LARGE1: variants seen among roughly 807,000 people sequenced by gnomAD.
LARGE1 encodes the protein xylosyl- and glucuronyltransferase LARGE1.
In LARGE1, 43 loss-of-function variants were observed where a neutral mutation model predicts 87.6. The observed-to-expected ratio is 0.49, with a 90% confidence interval of 0.38 to 0.63. LARGE1 has a LOEUF of 0.63. Ranked by LOEUF, LARGE1 falls within the 30% of genes least tolerant of loss-of-function variation. The pLI, the probability that LARGE1 is intolerant of heterozygous loss-of-function variation, is 0.00. For synonymous variants in LARGE1, 434 were observed against 394.6 expected, an observed-to-expected ratio of 1.10 and a Z score of -1.18; for missense variants, 802 against 1,000.2, an observed-to-expected ratio of 0.80 and a Z score of 2.67.
chr22:33,827,286 C>T (rs767764602), intron 1 of LARGE1, among the ~76,000 whole-genome samples: 2 of 152,010 alleles, frequency 1.3e-5, no homozygotes, highest in African/African-American at 2.4e-5. Context: ...AGGAGAATGG[C>T]GTGAACCCGG....
In LARGE1 at chr22:33,243,786, T is replaced by C. The variant is rs545956638; in HGVS notation, c.1730+60443A>G. Among the ~76,000 whole-genome samples the C allele has an allele frequency of 2.6e-5, 4 of 152,342 alleles. No homozygotes were observed. The East Asian group carries it at 7.7e-4, about 29-fold the overall frequency. ...ATTTAGACATGAAAGTGTTGAGTCA[T>C]GCATAAAGAGTTTTCAGGTCACCTT... On this transcript the variant is annotated intron_variant, in intron 11 of 11. Coordinates refer to the LARGE1 transcript ENST00000608642.
At chr22:33,112,910 A>G in the LARGE1 span, among the ~76,000 whole-genome samples, 1 of 152,170 alleles carries the variant, frequency 6.6e-6, no homozygotes, top group South Asian at 2.1e-4. Flanking sequence ...AGGAAAATCA[A>G]TCATCATGTC....
intron 6 of LARGE1, among the ~76,000 whole-genome samples, chr22:33,540,547 C>A (rs1227598062): frequency 6.6e-6 from 1 of 152,224 alleles, no homozygotes; most frequent in Non-Finnish European, 1.5e-5. Flanking sequence ...GTACCCTGCC[C>A]CACTGCCCCC....
Position 33,719,462 on chromosome 22 carries a change from T to C in LARGE1, c.106+41909A>G, listed in dbSNP as rs2413198. On this transcript the variant is annotated intron_variant, in intron 2 of 14. Coordinates refer to ENST00000397394, the MANE Select transcript of LARGE1 (RefSeq NM_133642.5). ...CTTCCAGTTCTACAGGCTCCATTCA[T>C]GGTAAGTGCCCTATACAGGTATGCC... Among the ~76,000 whole-genome samples the C allele has an allele frequency of 2.7e-3, 413 of 152,244 alleles. 22 individuals are homozygous for C. The East Asian group carries it at 0.076, about 28-fold the overall frequency.
intron 6 of LARGE1, among the ~76,000 whole-genome samples, chr22:33,512,675 C>T (rs568588032): frequency 1.2e-4 from 19 of 152,094 alleles, no homozygotes; most frequent in East Asian, 3.9e-4. Context: ...TGGTGGCAGG[C>T]GCCTGTAATC....
chr22:33,162,696 G>A (rs1333353987), exon 12 of LARGE1: 1 of 152,128 alleles, frequency 6.6e-6, no homozygotes, highest in Non-Finnish European at 1.5e-5. Flanking sequence ...TCTGTAAATT[G>A]GCACATGAAG....
At chr22:33,872,358 T>TTA (rs2064317559) in intron 1 of LARGE1, among the ~76,000 whole-genome samples, 1 of 113,234 alleles carries the variant, frequency 8.8e-6, no homozygotes, top group African/African-American at 4.5e-5. Flanking sequence ...GTAAATGCTA[T>TTA]CTATTATTAT....
rs377202717 is a variant in LARGE1 at position 33,187,780 on chromosome 22, C to CG, written c.1731-20949dup. 2.1e-3 allele frequency among the ~76,000 whole-genome samples: 314 copies of CG among 151,534 alleles called. 2 individuals are homozygous for CG. Among genetic ancestry groups the CG allele is most frequent in the African/African-American group, 7.3e-3 (304 of 41,396 alleles). ...AAACAAAATACAAAAAAAAATTAGC[C>CG]GGGCATGGTGGCGGGTGCCTGTAGT... On this transcript the variant is annotated intron_variant, in intron 11 of 11. Transcript: ENST00000608642.
intron 2 of LARGE1, among the ~76,000 whole-genome samples, chr22:33,739,176 C>G (rs8137559): frequency 0.055 from 8,308 of 152,110 alleles, 758 homozygotes; most frequent in African/African-American, 0.19. Context: ...CAGCCCTGGG[C>G]TCACTGGGCA....
chr22:33,142,594 G>C, the LARGE1 span, among the ~76,000 whole-genome samples: 1 of 152,142 alleles, frequency 6.6e-6, no homozygotes, highest in East Asian at 1.9e-4. Flanking sequence ...AGTTAAATAA[G>C]AGTAACCCCA....
At chr22:33,829,753 G>A (rs2062910816) in intron 1 of LARGE1, among the ~76,000 whole-genome samples, 1 of 152,142 alleles carries the variant, frequency 6.6e-6, no homozygotes, top group African/African-American at 2.4e-5. Context: ...GGCTGTTCAA[G>A]GACCCCTCCT....
chr22:33,608,780 G>A (rs577500482), intron 4 of LARGE1, among the ~76,000 whole-genome samples: 4 of 152,232 alleles, frequency 2.6e-5, no homozygotes, highest in African/African-American at 9.6e-5. Flanking sequence ...TTGGCATCCC[G>A]GCTGCAGTAC....
At chr22:33,475,095 G>A (rs1046795444) in intron 6 of LARGE1, among the ~76,000 whole-genome samples, 1 of 152,138 alleles carries the variant, frequency 6.6e-6, no homozygotes, top group African/African-American at 2.4e-5. Context: ...GAATGGCATA[G>A]TCTACTCACT....
chr22:33,537,947 A>C (rs2077088496), intron 6 of LARGE1, among the ~76,000 whole-genome samples: 1 of 152,146 alleles, frequency 6.6e-6, no homozygotes, highest in Non-Finnish European at 1.5e-5. Context: ...TATCCAGCCT[A>C]TCACAGGTAG....
chr22:33,471,810 G>A (rs1016851796), intron 6 of LARGE1, among the ~76,000 whole-genome samples: 5 of 152,124 alleles, frequency 3.3e-5, no homozygotes, highest in East Asian at 1.9e-4. Flanking sequence ...CGAGGCGGGC[G>A]CATCATGAGG....
chr22:33,684,293 C>T (rs902736529), intron 2 of LARGE1, among the ~76,000 whole-genome samples: 4 of 152,000 alleles, frequency 2.6e-5, no homozygotes, highest in South Asian at 2.1e-4. Context: ...AACAAATTTA[C>T]GTAAGAGAAA....
chr22:33,916,025 G>A (rs1030120974), intron 1 of LARGE1, among the ~76,000 whole-genome samples: 8 of 152,160 alleles, frequency 5.3e-5, no homozygotes, highest in Non-Finnish European at 1.2e-4. Flanking sequence ...GCTCACACCT[G>A]TAATCCCAGC....
At chr22:33,417,777 C>T (rs973226314) in intron 7 of LARGE1, among the ~76,000 whole-genome samples, 29 of 152,156 alleles carry the variant, frequency 1.9e-4, no homozygotes, top group African/African-American at 7.0e-4. Context: ...GTCCCCACGC[C>T]CTTTCTCAAT....
At chr22:33,216,897 A>C (rs1925232991) in intron 11 of LARGE1, among the ~76,000 whole-genome samples, 2 of 152,204 alleles carry the variant, frequency 1.3e-5, no homozygotes, top group Non-Finnish European at 2.9e-5. Flanking sequence ...AACTCAGGTA[A>C]GGCAAGGAAA....
Sources: allele counts gnomAD v4.1 joint callset (sites outside exome capture counted in the v4.1 genomes callset), GRCh38; gene constraint gnomAD v4.1.1; transcripts MANE v1.5; gene names NCBI Gene and HGNC (gene_info 2026-07-23, HGNC 2026-07-21).